Variants in TRMT11 observed in about 807,000 individuals in gnomAD.
TRMT11 encodes the protein tRNA (guanine(10)-N(2))-methyltransferase TRMT11.
TRMT11 carries 53 observed loss-of-function variants against 62.8 expected under a neutral mutation model. The ratio of observed to expected loss-of-function variants is 0.84; its 90% CI spans 0.68 to 1.06. The LOEUF is 1.06. Among genes scored for constraint, TRMT11 ranks in the 50% least tolerant of loss-of-function variants. TRMT11 has a pLI of 0.00. For missense variants in TRMT11, 556 were observed against 553.4 expected (o/e 1.00, Z -0.05); for synonymous variants, 188 against 190.3 (o/e 0.99, Z 0.10).
intron 1 of TRMT11, among the ~76,000 whole-genome samples, chr6:126,191,074 T>A (rs1073741): frequency 0.093 from 14,176 of 152,180 alleles, 2,198 homozygotes; most frequent in African/African-American, 0.32. Flanking sequence ...GACCATTAAC[T>A]TTTCTCTACA....
At chr6:126,153,077 C>G (rs552688052) in intron 21 of TRMT11, among the ~76,000 whole-genome samples, 1 of 152,270 alleles carries the variant, frequency 6.6e-6, no homozygotes, top group South Asian at 2.1e-4. Flanking sequence ...AGGTACCTCT[C>G]AAAGATCCAC....
At chr6:126,228,290 A>G in the TRMT11 span, among the ~76,000 whole-genome samples, 1 of 152,230 alleles carries the variant, frequency 6.6e-6, no homozygotes, top group East Asian at 1.9e-4. Flanking sequence ...ATTAGTGGCC[A>G]TAGAAGTCCA....
chr6:126,153,275 T>C (rs1043606683), intron 21 of TRMT11, among the ~76,000 whole-genome samples: 1 of 152,238 alleles, frequency 6.6e-6, no homozygotes, highest in African/African-American at 2.4e-5. Context: ...CTAATAACTT[T>C]TTATTTAAGG....
intron 21 of TRMT11, among the ~76,000 whole-genome samples, chr6:126,166,288 C>G (rs989801322): frequency 6.6e-6 from 1 of 152,040 alleles, no homozygotes; most frequent in South Asian, 2.1e-4. Flanking sequence ...TACCTTTGGT[C>G]TTTGGTGTTG....
At chr6:126,121,243 G>T (rs1009635605) in intron 21 of TRMT11, among the ~76,000 whole-genome samples, 1 of 152,044 alleles carries the variant, frequency 6.6e-6, no homozygotes, top group African/African-American at 2.4e-5. Flanking sequence ...AATGAATCAG[G>T]TACTAGTTTG....
chr6:126,189,149 C>G (rs990592731), intron 1 of TRMT11, among the ~76,000 whole-genome samples: 2 of 152,026 alleles, frequency 1.3e-5, no homozygotes, highest in African/African-American at 4.8e-5. Flanking sequence ...CAGACAGACC[C>G]CTGTACTGAT....
At chr6:126,223,463 C>CAAAACAAAACAAAAA in the TRMT11 span, among the ~76,000 whole-genome samples, 1 of 141,718 alleles carries the variant, frequency 7.1e-6, no homozygotes, top group African/African-American at 2.6e-5. Context: ...CAAAACAAAA[C>CAAAACAAAACAAAAA]AAAAAGAAGG....
At chr6:126,266,754 C>T in the TRMT11 span, among the ~76,000 whole-genome samples, 2 of 152,118 alleles carry the variant, frequency 1.3e-5, no homozygotes, top group Non-Finnish European at 2.9e-5. Flanking sequence ...CAACTGTTTC[C>T]AGGGATTTCA....
the TRMT11 span, among the ~76,000 whole-genome samples, chr6:126,269,946 G>A: frequency 6.6e-6 from 1 of 152,286 alleles, no homozygotes; most frequent in East Asian, 1.9e-4. Flanking sequence ...TGGAAGGGAT[G>A]GGGAGGGAAG....
intron 10 of TRMT11, 42 bp downstream of exon 10, chr6:126,012,894 A>G: frequency 6.2e-7 from 1 of 1,609,730 alleles, no homozygotes; most frequent in Non-Finnish European, 8.5e-7. Context: ...CCTTGAGAAG[A>G]GGCATGTGGC....
chr6:126,227,370 C>T, the TRMT11 span, among the ~76,000 whole-genome samples: 2 of 152,076 alleles, frequency 1.3e-5, no homozygotes, highest in Non-Finnish European at 2.9e-5. Flanking sequence ...TTCCAGGATT[C>T]GAGGTGTCAG....
chr6:126,224,639 C>A, the TRMT11 span, among the ~76,000 whole-genome samples: 2 of 152,176 alleles, frequency 1.3e-5, no homozygotes, highest in Non-Finnish European at 2.9e-5. Context: ...GTGGCAGAGT[C>A]GCACCGCAGC....
chr6:126,236,668 C>T, the TRMT11 span, among the ~76,000 whole-genome samples: 3 of 152,224 alleles, frequency 2.0e-5, no homozygotes, highest in Middle Eastern at 0.01. Context: ...TTTGTGTTCT[C>T]TTTATGTTAC....
intron 1 of TRMT11, among the ~76,000 whole-genome samples, chr6:126,189,743 C>A (rs115967904): frequency 6.6e-6 from 1 of 152,066 alleles, no homozygotes; most frequent in Non-Finnish European, 1.5e-5. Context: ...AGGTAGCATA[C>A]TGGACATTTT....
chr6:126,194,869 C>A (rs1409015567), intron 1 of TRMT11, among the ~76,000 whole-genome samples: 1 of 152,080 alleles, frequency 6.6e-6, no homozygotes. Context: ...AATCTCAGCC[C>A]TTTGGGAGGC....
rs535127109 is a variant in TRMT11 at position 126,044,953 on chromosome 6, A to T, written c.*1369+4108A>T. ...GTAATCCCAGCATTTTGGGAGGCTGAGGCAGGTGGATCACCTGAGGTCAGG... is the reference window on the plus strand; with the variant it reads ...GTAATCCCAGCATTTTGGGAGGCTGTGGCAGGTGGATCACCTGAGGTCAGG... On this transcript the variant is annotated intron_variant and NMD_transcript_variant, in intron 16 of 22. Coordinates refer to the TRMT11 transcript ENST00000648977. Among the ~76,000 whole-genome samples the T allele has an allele frequency of 1.5e-3, 227 of 152,268 alleles. 1 individual carries two copies. Among genetic ancestry groups the T allele is most frequent in the African/African-American group, 5.4e-3 (223 of 41,550 alleles).
chr6:126,247,500 ATC>A, the TRMT11 span, among the ~76,000 whole-genome samples: 200 of 137,566 alleles, frequency 1.5e-3, no homozygotes, highest in African/African-American at 5.2e-3. Flanking sequence ...TAAAATACCT[ATC>A]TCTCTCTATA....
chr6:126,122,700 G>T (rs1238408659), intron 21 of TRMT11, among the ~76,000 whole-genome samples: 1 of 152,068 alleles, frequency 6.6e-6, no homozygotes, highest in Non-Finnish European at 1.5e-5. Flanking sequence ...CTACATGACT[G>T]CTCATACTTT....
At chr6:126,184,382 G>A (rs1218901677) in intron 1 of TRMT11, among the ~76,000 whole-genome samples, 1 of 152,196 alleles carries the variant, frequency 6.6e-6, no homozygotes, top group African/African-American at 2.4e-5. Flanking sequence ...GGGACATTAG[G>A]TGACAATGTT....
Sources: gnomAD v4.1 joint callset for allele counts (sites outside exome capture counted in the v4.1 genomes callset) on GRCh38, gnomAD v4.1.1 for gene constraint, MANE v1.5 for transcripts, NCBI Gene and HGNC (gene_info 2026-07-23, HGNC 2026-07-21) for gene names.